DNAH5: variants seen among roughly 807,000 people sequenced by gnomAD.
DNAH5 encodes axonemal beta dynein heavy chain 5.
A neutral mutation model predicts 518.2 loss-of-function variants in DNAH5; 372 were observed. The observed-to-expected ratio is 0.72, with a 90% confidence interval of 0.66 to 0.78. The LOEUF (loss-of-function observed/expected upper bound fraction) is 0.78. Among genes scored for constraint, DNAH5 ranks in the 30% least tolerant of loss-of-function variants. The pLI is 0.00. For missense variants in DNAH5, 5,523 were observed against 5,687.0 expected (o/e 0.97, Z 0.93); for synonymous variants, 2,039 against 2,025.9 (o/e 1.01, Z -0.17).
At chr5:13,930,535 G>A (rs1778318508) in intron 2 of DNAH5, among the ~76,000 whole-genome samples, 1 of 152,082 alleles carries the variant, frequency 6.6e-6, no homozygotes, top group Admixed American at 6.6e-5. Flanking sequence ...TCATCATAGG[G>A]CTGCTTATGT....
At position 13,988,388 on chromosome 5, in the gene DNAH5, A is replaced by G. The variant is rs117824765; in HGVS notation, c.12+23260T>C. Among the ~76,000 whole-genome samples, 939 of 151,526 alleles carry G rather than the reference A, an allele frequency of 6.2e-3. 13 individuals are homozygous for G. The highest frequency in any genetic ancestry group is 0.051 in the East Asian group (265 of 5,160). On this transcript the variant is annotated intron_variant, in intron 1 of 78. Coordinates refer to the DNAH5 transcript ENST00000681290. ...GGAAGGAATTGTGCTTGCTGTTTAC[A>G]GGAGGTGTTATGAAAACCAAAACAC... is the stretch of plus-strand genomic sequence containing the variant.
In DNAH5 at chr5:13,777,313, C is replaced by T. The variant is rs555690882; in HGVS notation, c.8994G>A (p.Leu2998=). 7.4e-6 allele frequency: 12 copies of T among 1,613,344 alleles called. No individual in the cohort carries two copies. The highest frequency in any genetic ancestry group is 1.0e-5 in the Non-Finnish European group (12 of 1,179,670). ...TSNLMEDLKV[L]YRTAGQQGKG... ...TGCCTTGCTGACCAGCTGTTCGATA[C>T]AAAACCTTCAGATCTTCCATCAGAT... The change falls in exon 54 of 79, where the codon TTG becomes TTA. Residue 2998 remains leucine (L), a synonymous_variant. Transcript: ENST00000265104.
chr5:13,886,462 T>C (rs528891289), intron 17 of DNAH5, among the ~76,000 whole-genome samples: 7 of 152,364 alleles, frequency 4.6e-5, no homozygotes, highest in Non-Finnish European at 7.3e-5. Flanking sequence ...GCCACCCTTC[T>C]TTCTCTCCTT....
intron 12 of DNAH5, among the ~76,000 whole-genome samples, chr5:13,903,722 C>T (rs574753404): frequency 4.6e-5 from 7 of 151,938 alleles, no homozygotes; most frequent in East Asian, 3.9e-4. Context: ...TAAGGGCTGA[C>T]GGAAAATAAC....
At chr5:13,944,876 A>T, upstream of DNAH5, among the ~76,000 whole-genome samples, 1 of 152,228 alleles carries the variant, frequency 6.6e-6, no homozygotes, top group South Asian at 2.1e-4. Context: ...AACAATGAGA[A>T]ACTTTAAACC....
Position 13,954,774 on chromosome 5 carries a change from G to A in DNAH5, c.13-23530C>T, listed in dbSNP as rs576972372. Among the ~76,000 whole-genome samples the A allele has an allele frequency of 7.9e-5, 12 of 152,250 alleles. No individual in the cohort carries two copies. In the South Asian group the frequency reaches 8.3e-4, roughly 11 times the overall value. On this transcript the variant is annotated intron_variant, in intron 1 of 78. Transcript: ENST00000681290. ...ATTAAACTGCCCCAGCGTTGATCTCGCTGCTACTTTTTGAGTGAGGCCTGT... is the reference window on the plus strand; with the variant it reads ...ATTAAACTGCCCCAGCGTTGATCTCACTGCTACTTTTTGAGTGAGGCCTGT...
At chr5:13,831,666 T>C (rs1205660876) in intron 35 of DNAH5, among the ~76,000 whole-genome samples, 1 of 152,222 alleles carries the variant, frequency 6.6e-6, no homozygotes, top group Non-Finnish European at 1.5e-5. Flanking sequence ...GCCCTTAATG[T>C]ATGCAGAGTC....
At chr5:13,900,089 A>T in intron 15 of DNAH5, 117 bp downstream of exon 15, 1 of 945,604 alleles carries the variant, frequency 1.1e-6, no homozygotes. Context: ...CTGTCCCCTC[A>T]GTCACTCCAT....
Position 13,850,757 on chromosome 5 carries a change from T to C in DNAH5, c.5009A>G (p.His1670Arg), listed in dbSNP as rs970902714. ...GCACTGGACTACACTGGGCACTTCATGTGCCCGAGTCATGATCTTCACCCA... is the reference window on the plus strand; with the variant it reads ...GCACTGGACTACACTGGGCACTTCACGTGCCCGAGTCATGATCTTCACCCA... ...KSWVKIMTRA[H>R]EVPSVVQCCV... The change falls in exon 31 of 79, where the codon CAT becomes CGT. Residue 1670 changes from histidine (H) to arginine (R), a missense_variant. Transcript: ENST00000265104. 14 of 1,613,924 alleles carry C rather than the reference T, an allele frequency of 8.7e-6. 1 individual carries two copies. The highest frequency in any genetic ancestry group is 3.3e-5 in the Admixed American group (2 of 60,032).
intron 13 of DNAH5, 40 bp from the exon 14 acceptor site, chr5:13,901,613 TA>T: frequency 2.5e-6 from 3 of 1,215,482 alleles, no homozygotes; most frequent in Non-Finnish European, 3.5e-6. Flanking sequence ...ATTAATGGAA[TA>T]AAATAAATAA....
At chr5:13,702,238 T>A (rs1742212279) in intron 76 of DNAH5, among the ~76,000 whole-genome samples, 1 of 152,232 alleles carries the variant, frequency 6.6e-6, no homozygotes, top group Admixed American at 6.5e-5. Context: ...TATGAATAAA[T>A]GTAGTAATCA....
upstream of DNAH5, among the ~76,000 whole-genome samples, chr5:13,944,890 T>A (rs933494916): frequency 6.6e-6 from 1 of 152,182 alleles, no homozygotes; most frequent in African/African-American, 2.4e-5. Flanking sequence ...TTAAACCATA[T>A]CAGATTAGAA....
At chr5:13,711,052 A>C (rs1172222730) in intron 75 of DNAH5, among the ~76,000 whole-genome samples, 1 of 152,182 alleles carries the variant, frequency 6.6e-6, no homozygotes, top group Admixed American at 6.5e-5. Context: ...AAATCAGGAA[A>C]GGACATACCC....
At chr5:13,959,402 A>T (rs891309512) in intron 1 of DNAH5, among the ~76,000 whole-genome samples, 7 of 152,230 alleles carry the variant, frequency 4.6e-5, no homozygotes, top group African/African-American at 1.7e-4. Flanking sequence ...GTCTTCGAGA[A>T]TGCCAGGTGG....
Position 13,792,040 on chromosome 5 carries a change from C to T in DNAH5, c.8402G>A (p.Trp2801Ter), listed in dbSNP as rs1757077691. 1.9e-6 allele frequency: 3 copies of T among 1,613,992 alleles called. No individual in the cohort carries two copies. The East Asian group carries it at 6.7e-5, about 36-fold the overall frequency. The change falls in exon 50 of 79, where the codon TGG becomes TAG. Residue 2801 changes from tryptophan (W) to a stop codon, truncating the protein, a stop_gained. Coordinates refer to ENST00000265104, the MANE Select transcript of DNAH5 (RefSeq NM_001369.3). LOFTEE classifies it high-confidence loss of function. The part of the protein sequence containing the change: ...VFNLRDLSRV[W>*]QGMLNTTSEV... Reference sequence around the variant, plus strand: ...TGAAGTAGTGTTCAGCATTCCCTGCCAGACCCGAGAAAGATCTCGTAGGTT... The same window carrying T: ...TGAAGTAGTGTTCAGCATTCCCTGCTAGACCCGAGAAAGATCTCGTAGGTT...
intron 30 of DNAH5, among the ~76,000 whole-genome samples, chr5:13,858,265 G>T (rs1242025280): frequency 6.6e-6 from 1 of 152,174 alleles, no homozygotes; most frequent in Non-Finnish European, 1.5e-5. Flanking sequence ...CATGTCCTTT[G>T]CAGGGACATG....
chr5:13,936,419 T>C (rs929184190), intron 1 of DNAH5, among the ~76,000 whole-genome samples: 3 of 152,230 alleles, frequency 2.0e-5, no homozygotes, highest in Non-Finnish European at 4.4e-5. Flanking sequence ...GTTTAAAAAA[T>C]ACTAACATTT....
At chr5:13,947,444 CTT>C (rs1391409097), upstream of DNAH5, among the ~76,000 whole-genome samples, 2 of 152,198 alleles carry the variant, frequency 1.3e-5, no homozygotes, top group African/African-American at 4.8e-5. Context: ...AATAAAACCA[CTT>C]ACCTAAAACT....
intron 78 of DNAH5, among the ~76,000 whole-genome samples, chr5:13,693,672 T>C (rs927745644): frequency 1.3e-5 from 2 of 152,198 alleles, no homozygotes; most frequent in Non-Finnish European, 2.9e-5. Context: ...TAACATCCTA[T>C]GATGCACAGG....
Sources: allele counts gnomAD v4.1 joint callset (sites outside exome capture counted in the v4.1 genomes callset), GRCh38; gene constraint gnomAD v4.1.1; transcripts MANE v1.5; gene names NCBI Gene and HGNC (gene_info 2026-07-23, HGNC 2026-07-21).